The following NIPBL variants were observed in gnomAD, a reference collection of about 807,000 sequenced individuals.
NIPBL encodes the protein nipped-B-like protein.
Under a neutral mutation model 321.8 loss-of-function variants are expected in NIPBL, and 19 were observed. That is an observed-to-expected ratio of 0.06 (90% confidence interval 0.04 to 0.09). The LOEUF is 0.09. Among genes scored for constraint, NIPBL ranks in the 10% least tolerant of loss-of-function variants. The pLI, the probability that NIPBL is intolerant of heterozygous loss-of-function variation, is 1.00. For synonymous variants in NIPBL, 1,106 were observed against 1,114.1 expected (o/e 0.99, Z 0.14); for missense variants, 2,210 against 3,327.0 (o/e 0.66, Z 8.26).
chr5:37,048,706 G>A, intron 39 of NIPBL, 31 bp downstream of exon 39: 1 of 1,478,874 alleles, frequency 6.8e-7, no homozygotes, highest in South Asian at 1.2e-5. Context: ...AAATTTCATA[G>A]CTACATTTAT....
At chr5:37,017,789 C>T (rs897716947) in intron 24 of NIPBL, among the ~76,000 whole-genome samples, 7 of 151,138 alleles carry the variant, frequency 4.6e-5, no homozygotes, top group African/African-American at 1.5e-4. Flanking sequence ...AGCTATAGTT[C>T]GTGTTTTGAA....
At chr5:37,020,727 TA>T in intron 26 of NIPBL, 47 bp from the exon 27 acceptor site, 1 of 1,602,808 alleles carries the variant, frequency 6.2e-7, no homozygotes, top group South Asian at 1.1e-5. Context: ...TCTATTTCCC[TA>T]AGTTACAAAA....
chr5:36,886,085 A>T, intron 1 of NIPBL: 1 of 692,340 alleles, frequency 1.4e-6, no homozygotes, highest in South Asian at 1.4e-5. Context: ...TGCTGAGATG[A>T]CACTCACGGA....
At chr5:37,036,284 ATAT>A in intron 32 of NIPBL, 92 bp from the exon 33 acceptor site, 1 of 272,260 alleles carries the variant, frequency 3.7e-6, no homozygotes, top group East Asian at 7.9e-5. Flanking sequence ...TAATGTGTTT[ATAT>A]TATTATTGCC....
At chr5:36,978,830 T>C (rs1743812588) in intron 9 of NIPBL, among the ~76,000 whole-genome samples, 1 of 152,046 alleles carries the variant, frequency 6.6e-6, no homozygotes, top group Non-Finnish European at 1.5e-5. Flanking sequence ...CCCAGCACCA[T>C]TTATTGAATA....
At chr5:36,991,789 A>G (rs1313288128) in intron 10 of NIPBL, among the ~76,000 whole-genome samples, 1 of 131,080 alleles carries the variant, frequency 7.6e-6, no homozygotes, top group Non-Finnish European at 1.6e-5. Context: ...TTGGAGGTTT[A>G]TGTGAGGCTC....
chr5:37,054,434 C>T (rs1162000693), intron 42 of NIPBL, among the ~76,000 whole-genome samples: 1 of 151,956 alleles, frequency 6.6e-6, no homozygotes, highest in Non-Finnish European at 1.5e-5. Context: ...GTGCTTTTGC[C>T]CTGAAAGGAT....
chr5:36,943,848 A>G (rs1382752953), intron 1 of NIPBL, among the ~76,000 whole-genome samples: 2 of 152,148 alleles, frequency 1.3e-5, no homozygotes, highest in Non-Finnish European at 2.9e-5. Flanking sequence ...GAATTATTCA[A>G]GGAGGAGAGA....
intron 1 of NIPBL, among the ~76,000 whole-genome samples, chr5:36,923,143 A>G (rs1182323367): frequency 6.6e-6 from 1 of 151,990 alleles, no homozygotes; most frequent in Non-Finnish European, 1.5e-5. Context: ...TACTAAAAAT[A>G]CAAAATACAA....
Position 36,996,909 on chromosome 5 carries a change from T to A in NIPBL, c.3304+1105T>A, listed in dbSNP as rs1046997606. On this transcript the variant is annotated intron_variant, in intron 11 of 46. Coordinates refer to ENST00000282516, the MANE Select transcript of NIPBL (RefSeq NM_133433.4). This position sits in a 1 kb window ranked among gnomAD's most constrained non-coding sequence, Gnocchi z 5.0. ...TAATGTTAATTTACTGATTTTTTTT[T>A]AATTGTGAGCTCTTGAGCTATGAGC... The A allele has an allele frequency of 1.2e-5, 2 of 164,570 alleles. No individual in the cohort carries two copies. The highest frequency in any genetic ancestry group is 2.4e-5 in the African/African-American group (1 of 41,520). 10.2% of individuals were successfully genotyped at this position (164,570 alleles called of 1,614,324 possible).
chr5:36,925,272 C>CTTT (rs11386035), intron 1 of NIPBL, among the ~76,000 whole-genome samples: 2 of 145,586 alleles, frequency 1.4e-5, no homozygotes, highest in African/African-American at 2.5e-5. Context: ...TAATTCATTA[C>CTTT]TTTTTTTTTT....
intron 1 of NIPBL, among the ~76,000 whole-genome samples, chr5:36,878,976 G>C (rs543072659): frequency 8.2e-5 from 12 of 146,952 alleles, no homozygotes; most frequent in African/African-American, 2.0e-4. Context: ...CTGCGGGTGG[G>C]GGGGTGTGCG....
At chr5:36,916,764 C>T (rs1748492596) in intron 1 of NIPBL, among the ~76,000 whole-genome samples, 1 of 151,176 alleles carries the variant, frequency 6.6e-6, no homozygotes, top group Non-Finnish European at 1.5e-5. Flanking sequence ...GGTTTTTTGT[C>T]GTTGCAGTAG....
chr5:37,006,493 A>T lies in NIPBL; in HGVS notation c.3992A>T (p.Asp1331Val). 1.9e-6 allele frequency: 3 copies of T among 1,612,066 alleles called. No individual in the cohort carries two copies. ...PNMPKAVYIE[D>V]VIERVIQYTK... The stretch of plus-strand genomic sequence containing the variant: ...ATGCCAAAAGCTGTGTACATTGAGG[A>T]TGTAATTGAAAGAGTTATACAGTAC... The change falls in exon 17 of 47, where the codon GAT (aspartate) becomes GTT (valine). Residue 1331 changes from aspartate (D) to valine (V), a missense_variant. Around this residue, in one of 14 missense-constraint regions of NIPBL, gnomAD observed 381 missense variants for 642.3 expected, o/e 0.59. Transcript: ENST00000282516.
At chr5:36,879,616 A>G (rs1221152793) in intron 1 of NIPBL, among the ~76,000 whole-genome samples, 1 of 152,166 alleles carries the variant, frequency 6.6e-6, no homozygotes, top group Non-Finnish European at 1.5e-5. Context: ...GTTGGTTGGA[A>G]TATTCACTAG....
At chr5:36,938,923 G>A (rs1738762210) in intron 1 of NIPBL, among the ~76,000 whole-genome samples, 2 of 152,140 alleles carry the variant, frequency 1.3e-5, no homozygotes, top group Admixed American at 1.3e-4. Context: ...ATAGTTATGT[G>A]TAACAGTACC....
chr5:36,942,931 T>C (rs1739274016), intron 1 of NIPBL, among the ~76,000 whole-genome samples: 1 of 152,170 alleles, frequency 6.6e-6, no homozygotes, highest in African/African-American at 2.4e-5. Flanking sequence ...TAATTCTTGC[T>C]AACCTCACTG....
intron 11 of NIPBL, among the ~76,000 whole-genome samples, chr5:36,998,576 C>T (rs989438220): frequency 6.6e-6 from 1 of 151,994 alleles, no homozygotes; most frequent in African/African-American, 2.4e-5. Flanking sequence ...CTTTGGGAGG[C>T]CGAGGTGGGA....
chr5:37,002,692 T>A lies in NIPBL; in HGVS notation c.3695T>A (p.Leu1232His). ...GDDDEIPQELLLGKHQLNELG... is the reference protein window; with the variant it reads ...GDDDEIPQELHLGKHQLNELG... The stretch of plus-strand genomic sequence containing the variant: ...GATGATGAAATTCCTCAGGAACTGC[T>A]CTTAGGAAAACATCAGCTTAATGAA... Residue 1232 changes from leucine to histidine, a missense_variant, in exon 15 of 47, where the codon CTC becomes CAC. Physicochemically the swap from Leu to His is moderately conservative, Grantham distance 99 (BLOSUM62 -3). This residue lies in a region of NIPBL where 381 missense variants were observed against 642.3 expected (regional missense o/e 0.59). Transcript: ENST00000282516. 1 of 1,612,458 alleles carries A rather than the reference T, an allele frequency of 6.2e-7. No homozygotes were observed. The highest frequency in any genetic ancestry group is 8.5e-7 in the Non-Finnish European group (1 of 1,178,782).
Sources: allele counts gnomAD v4.1 joint callset (sites outside exome capture counted in the v4.1 genomes callset), GRCh38; gene constraint gnomAD v4.1.1; regional missense constraint gnomAD v4.1.1; non-coding constraint Gnocchi (gnomAD v3.1); transcripts MANE v1.5; gene names NCBI Gene and HGNC (gene_info 2026-07-23, HGNC 2026-07-21).